NAPRT: variants seen among roughly 807,000 people sequenced by gnomAD.
NAPRT encodes the protein FHA-HIT-interacting protein.
A neutral mutation model predicts 60.7 loss-of-function variants in NAPRT; 66 were observed. The ratio of observed to expected loss-of-function variants is 1.09; its 90% CI spans 0.89 to 1.33. The LOEUF is 1.33. Ranked by LOEUF, NAPRT falls within the 40% of genes most tolerant of loss-of-function variation. The pLI, the probability that NAPRT is intolerant of heterozygous loss-of-function variation, is 0.00. For synonymous variants in NAPRT, 405 were observed against 335.7 expected, an observed-to-expected ratio of 1.21 and a Z score of -2.26; for missense variants, 818 against 731.5, an observed-to-expected ratio of 1.12 and a Z score of -1.36.
intron 10 of NAPRT, 38 bp downstream of exon 10, chr8:143,575,385 T>C: frequency 6.3e-7 from 1 of 1,597,196 alleles, no homozygotes; most frequent in South Asian, 1.1e-5. Flanking sequence ...GCCCTGGTGC[T>C]TTGAAGGTGG....
rs1322079147 is a variant in NAPRT at position 143,575,091 on chromosome 8, C to CAGCT, written c.1447-2_1448dup (p.Cys484AlafsTer3). 3 of 1,521,790 alleles carry CAGCT rather than the reference C, an allele frequency of 2.0e-6. No homozygotes were observed. The African/African-American group carries it at 4.1e-5, about 21-fold the overall frequency. The allele number at this position is 1,521,790 out of a possible 1,614,324, so 94.3% of individuals were successfully genotyped here. ...CTGCCAGGGATGGGAGCGGCTCACA[C>CAGCT]AGCTGCAGGGAGGAGGTAAGGAAAG... is the stretch of plus-strand genomic sequence containing the variant. On this transcript the variant is annotated frameshift_variant and splice_region_variant, in exon 12 of 13. Coordinates refer to ENST00000449291, the MANE Select transcript of NAPRT (RefSeq NM_145201.6). LOFTEE classifies it high-confidence loss of function.
At chr8:143,576,863 A>G in intron 5 of NAPRT, 21 bp from the exon 6 acceptor site, 2 of 1,581,530 alleles carry the variant, frequency 1.3e-6, no homozygotes, top group Non-Finnish European at 1.7e-6. Context: ...GAGTCGGTGA[A>G]GAATGGGGGC....
Position 143,576,790 on chromosome 8 carries a change from G to C in NAPRT, c.737C>G (p.Ala246Gly), listed in dbSNP as rs1340197075. 1 of 1,607,976 alleles carries C rather than the reference G, an allele frequency of 6.2e-7. No individual in the cohort carries two copies. The highest frequency in any genetic ancestry group is 8.5e-7 in the Non-Finnish European group (1 of 1,178,462). Residue 246 changes from alanine to glycine, a missense_variant, in exon 6 of 13, where the codon GCC becomes GGC. Ala to Gly is a moderately conservative substitution (Grantham distance 60). Transcript: ENST00000449291. ...ACACACCTGCTCCAGCCACACCTGG[G>C]CTTTGGCCGCCAGGTCCACCCCAGG... Reference protein sequence around the residue: ...EGPGVDLAAKAQVWLEQVCAH... With the variant: ...EGPGVDLAAKGQVWLEQVCAH...
At chr8:143,576,016 G>A in intron 8 of NAPRT, 62 bp downstream of exon 8, 2 of 1,392,656 alleles carry the variant, frequency 1.4e-6, no homozygotes, top group Non-Finnish European at 1.9e-6. Flanking sequence ...AGCCCAGCCA[G>A]AACCTGCAGG....
At position 143,575,035 on chromosome 8, in the gene NAPRT, C is replaced by T. The variant is rs552997428; in HGVS notation, c.1505G>A (p.Ser502Asn). Residue 502 changes from serine (S) to asparagine (N), a missense_variant, in exon 12 of 13, where the codon AGC (serine) becomes AAC (asparagine). By Grantham distance (46) the Ser-to-Asn change is conservative. Coordinates refer to ENST00000449291, the MANE Select transcript of NAPRT (RefSeq NM_145201.6). The stretch of plus-strand genomic sequence containing the variant: ...CCGCCTGTGCTCAGGGCTGAGTCGG[C>T]TCAGGGACAGCTGGGCCAAGGCTCT... The part of the protein sequence containing the change: ...ESRALAQLSL[S>N]RLSPEHRRLR... 3.5e-5 allele frequency: 53 copies of T among 1,509,474 alleles called. No homozygotes were observed. The East Asian group carries it at 1.2e-3, about 33-fold the overall frequency. The allele number at this position is 1,509,474 out of a possible 1,614,324, so 93.5% of individuals were successfully genotyped here.
chr8:143,577,131 C>G lies in NAPRT; in HGVS notation c.615G>C (p.Val205=). 2 of 1,612,978 alleles carry G rather than the reference C, an allele frequency of 1.2e-6. No homozygotes were observed. Among genetic ancestry groups the G allele is most frequent in the Non-Finnish European group, 1.7e-6 (2 of 1,179,936 alleles). The change falls in exon 5 of 13, where the codon GTG becomes GTC. Residue 205 remains valine, a synonymous_variant. Coordinates refer to ENST00000449291, the MANE Select transcript of NAPRT (RefSeq NM_145201.6). ...AGTGGGCCAGGGTCCCGGCCACCGG[C>G]ACACCTCGCAGCTGGCCCGCTAGCA... is the stretch of plus-strand genomic sequence containing the variant. ...SNVLAGQLRG[V]PVAGTLAHSF...
chr8:143,575,557 C>G (rs894926770), intron 9 of NAPRT, 32 bp from the exon 10 acceptor site: 1 of 1,593,152 alleles, frequency 6.3e-7, no homozygotes. Flanking sequence ...CTGGCTGGTC[C>G]TTATCCCCCA....
At chr8:143,574,274 C>T (rs752499652), downstream of NAPRT, among the ~76,000 whole-genome samples, 19 of 152,222 alleles carry the variant, frequency 1.2e-4, no homozygotes, top group South Asian at 8.3e-4. Flanking sequence ...GTGTCCCTGA[C>T]GCCAGATGCC....
downstream of NAPRT, chr8:143,572,919 A>G: frequency 1.8e-6 from 1 of 549,878 alleles, no homozygotes; most frequent in Non-Finnish European, 3.1e-6. Context: ...GGGAGTGGCC[A>G]CCTGCAGCCT....
In NAPRT at chr8:143,576,549, G is replaced by A; in HGVS notation, c.905C>T (p.Ala302Val). The change falls in exon 7 of 13, where the codon GCA becomes GTA. Residue 302 changes from alanine (A) to valine (V), a missense_variant. Physicochemically the swap from Ala to Val is moderately conservative, Grantham distance 64 (BLOSUM62 0). Coordinates refer to ENST00000449291, the MANE Select transcript of NAPRT (RefSeq NM_145201.6). ...CAGCTCTCCCAGGGCCAGGGCGACT[G>A]CTAGGAAGTTGGGGAGACCACTCCT... The part of the protein sequence containing the change: ...VWRSGLPNFL[A>V]VALALGELGY... 6.2e-6 allele frequency: 10 copies of A among 1,611,698 alleles called. No homozygotes were observed. Among genetic ancestry groups the A allele is most frequent in the Non-Finnish European group, 8.5e-6 (10 of 1,179,424 alleles).
Position 143,577,692 on chromosome 8 carries a change from C to CA in NAPRT, c.401dup (p.Glu135GlyfsTer93). On this transcript the variant is annotated frameshift_variant, in exon 3 of 13. Transcript: ENST00000449291. LOFTEE classifies it high-confidence loss of function. ...TGACCAGGCAGAGCAGCGGTGTCTC[C>CA]AGCAGCTGCACCACCAGGAGCGGCC... The CA allele has an allele frequency of 6.5e-7, 1 of 1,542,500 alleles. No individual in the cohort carries two copies.
Position 143,578,265 on chromosome 8 carries a change from AGTGAGCAGCGGCCGCGCCGCCGCGCGCG to A in NAPRT, c.26_53del (p.Ala9ValfsTer87). 1 of 1,438,058 alleles carries A rather than the reference AGTGAGCAGCGGCCGCGCCGCCGCGCGCG, an allele frequency of 7.0e-7. No individual in the cohort carries two copies. The highest frequency in any genetic ancestry group is 9.1e-7 in the Non-Finnish European group (1 of 1,101,844). The allele number at this position is 1,438,058 out of a possible 1,614,324, so 89.1% of individuals were successfully genotyped here. A position where few individuals can be genotyped will look rare whatever the true frequency, so the allele number is the denominator to read the frequency against. Reference sequence around the variant, plus strand: ...ACGCCATGGTGGCCTGGTAGAGGTCAGTGAGCAGCGGCCGCGCCGCCGCGCGCGCCTCGGGGTCCTGCTCCGCCGCCAT... The same window carrying A: ...ACGCCATGGTGGCCTGGTAGAGGTCACCTCGGGGTCCTGCTCCGCCGCCAT... On this transcript the variant is annotated frameshift_variant, in exon 1 of 13. Coordinates refer to ENST00000449291, the MANE Select transcript of NAPRT (RefSeq NM_145201.6). LOFTEE classifies it high-confidence loss of function.
intron 7 of NAPRT, 38 bp from the exon 8 acceptor site, chr8:143,576,200 C>T (rs896955): frequency 0.16 from 238,041 of 1,533,766 alleles, 20,959 homozygotes; most frequent in East Asian, 0.35. Context: ...GGCCACCCCT[C>T]GGGTCTTCCT....
rs1009598014 is a variant in NAPRT, at chr8:143,574,794, A to G, written c.*44T>C. On this transcript the variant is annotated 3_prime_UTR_variant, in exon 13 of 13. Transcript: ENST00000449291. ...ACAACACAGGACAAGCTGTGGGGAA[A>G]AGTGAGTGATTCGTGTTGTTTCCAG... 2 of 1,548,840 alleles carry G rather than the reference A, an allele frequency of 1.3e-6. No homozygotes were observed. The highest frequency in any genetic ancestry group is 1.7e-6 in the Non-Finnish European group (2 of 1,145,260).
At position 143,578,223 on chromosome 8, in the gene NAPRT, C is replaced by G; in HGVS notation, c.96G>C (p.Ala32=). 1 of 1,502,250 alleles carries G rather than the reference C, an allele frequency of 6.7e-7. No homozygotes were observed. Among genetic ancestry groups the G allele is most frequent in the Non-Finnish European group, 8.8e-7 (1 of 1,130,564 alleles). The allele number at this position is 1,502,250 out of a possible 1,614,324, so 93.1% of individuals were successfully genotyped here. ...QATMALGYWR[A]GRARDAAEFE... ...ACTCGGCGGCGTCCCGCGCCCGGCC[C>G]GCGCGCCAATAGCCCAACGCCATGG... Residue 32 remains alanine (A), a synonymous_variant, in exon 1 of 13, where the codon GCG becomes GCC. Transcript: ENST00000449291.
chr8:143,576,880 T>G (rs763659133), intron 5 of NAPRT, 38 bp from the exon 6 acceptor site: 6 of 1,567,076 alleles, frequency 3.8e-6, no homozygotes, highest in Non-Finnish European at 5.2e-6. Context: ...GGGCCAGGAA[T>G]GCAGGATGAG....
intron 8 of NAPRT, 86 bp from the exon 9 acceptor site, chr8:143,575,788 A>C: frequency 3.5e-6 from 2 of 563,702 alleles, no homozygotes; most frequent in Non-Finnish European, 5.1e-6. Flanking sequence ...AGGAGGTGGC[A>C]CTGCCCTGGG....
chr8:143,575,566 C>A, intron 9 of NAPRT, 41 bp from the exon 10 acceptor site: 2 of 1,588,468 alleles, frequency 1.3e-6, no homozygotes, highest in Non-Finnish European at 1.7e-6. Flanking sequence ...CCTTATCCCC[C>A]ACCCAGCACC....
intron 9 of NAPRT, 32 bp from the exon 10 acceptor site, chr8:143,575,557 C>T (rs894926770): frequency 1.3e-6 from 2 of 1,593,266 alleles, no homozygotes; most frequent in Non-Finnish European, 8.6e-7. Flanking sequence ...CTGGCTGGTC[C>T]TTATCCCCCA....
Sources: allele counts gnomAD v4.1 joint callset (sites outside exome capture counted in the v4.1 genomes callset), GRCh38; gene constraint gnomAD v4.1.1; transcripts MANE v1.5; gene names NCBI Gene and HGNC (gene_info 2026-07-23, HGNC 2026-07-21).